Variants in ZNF254 observed in about 807,000 individuals in gnomAD.
The protein encoded by ZNF254 is zinc finger protein 254.
In ZNF254, 10 loss-of-function variants were observed where a neutral mutation model predicts 12.4. That is an observed-to-expected ratio of 0.80 (90% CI 0.50 to 1.36). The LOEUF is 1.36. Among genes scored for constraint, ZNF254 ranks in the 40% most tolerant of loss-of-function variants. The pLI, the probability that ZNF254 is intolerant of heterozygous loss-of-function variation, is 0.00. For synonymous variants in ZNF254, 305 were observed against 253.4 expected (o/e 1.20, Z -1.93); for missense variants, 996 against 763.9 (o/e 1.30, Z -3.58).
chr19:24,076,342 G>C (rs763128113), intron 2 of ZNF254, among the ~76,000 whole-genome samples: 2 of 152,130 alleles, frequency 1.3e-5, no homozygotes, highest in Non-Finnish European at 2.9e-5. Flanking sequence ...ATTCTGCTGC[G>C]GCTTCAGCCA....
At chr19:24,068,738 C>T (rs1971370049) in intron 2 of ZNF254, among the ~76,000 whole-genome samples, 1 of 152,166 alleles carries the variant, frequency 6.6e-6, no homozygotes, top group Non-Finnish European at 1.5e-5. Flanking sequence ...CAGGTGATGT[C>T]ACTCTTCTGC....
At chr19:24,121,795 T>A (rs989147011) in intron 3 of ZNF254, among the ~76,000 whole-genome samples, 3 of 152,148 alleles carry the variant, frequency 2.0e-5, no homozygotes, top group Non-Finnish European at 4.4e-5. Flanking sequence ...GACCTCATGA[T>A]CCACCCTCTT....
chr19:24,041,327 C>G (rs1364047802), intron 1 of ZNF254, among the ~76,000 whole-genome samples: 1 of 152,210 alleles, frequency 6.6e-6, no homozygotes, highest in African/African-American at 2.4e-5. Flanking sequence ...GAGGCATGAG[C>G]GGGAACCGGG....
chr19:24,126,678 T>G lies in ZNF254; in HGVS notation c.678T>G (p.Thr226=). ...GKTFNWSSTL[T]NHRKIYTEEK... ...CCTTTAATTGGTCCTCAACCCTTACTAATCATAGGAAAATTTATACTGAAG... is the reference window on the plus strand; with the variant it reads ...CCTTTAATTGGTCCTCAACCCTTACGAATCATAGGAAAATTTATACTGAAG... Residue 226 remains threonine (T), a synonymous_variant, in exon 4 of 4, where the codon ACT becomes ACG. Coordinates refer to ENST00000357002, the MANE Select transcript of ZNF254 (RefSeq NM_203282.4). The G allele has an allele frequency of 1.2e-6, 2 of 1,613,270 alleles. No homozygotes were observed. The highest frequency in any genetic ancestry group is 1.7e-6 in the Non-Finnish European group (2 of 1,179,708).
At chr19:24,034,668 G>A (rs912081726) in intron 1 of ZNF254, among the ~76,000 whole-genome samples, 5 of 151,652 alleles carry the variant, frequency 3.3e-5, no homozygotes, top group Non-Finnish European at 5.9e-5. Context: ...ATTTTTGCGG[G>A]GTTTCACCAT....
At chr19:24,041,115 A>G (rs1053004388) in intron 1 of ZNF254, among the ~76,000 whole-genome samples, 4 of 152,252 alleles carry the variant, frequency 2.6e-5, no homozygotes, top group Non-Finnish European at 5.9e-5. Flanking sequence ...ATACATGACA[A>G]GTTTGAAGAA....
At chr19:24,086,472 A>AT (rs938399719), upstream of ZNF254, among the ~76,000 whole-genome samples, 2 of 150,564 alleles carry the variant, frequency 1.3e-5, no homozygotes, top group Admixed American at 6.6e-5. Flanking sequence ...TGCCCAGCTA[A>AT]TTTTTTTTTC....
chr19:24,090,299 C>T (rs776630446), intron 1 of ZNF254, among the ~76,000 whole-genome samples: 53 of 152,172 alleles, frequency 3.5e-4, no homozygotes, highest in Admixed American at 3.3e-4. Context: ...AGTTCAGAGT[C>T]TCCTGAGAGG....
chr19:24,034,488 G>GGTT (rs1568418280), intron 1 of ZNF254, among the ~76,000 whole-genome samples: 21 of 107,328 alleles, frequency 2.0e-4, no homozygotes, highest in Middle Eastern at 6.0e-3. Flanking sequence ...AGGTAAGTGG[G>GGTT]TTTTTTTTTT....
At chr19:24,085,408 G>GGA (rs1971988738), upstream of ZNF254, among the ~76,000 whole-genome samples, 1 of 32,710 alleles carries the variant, frequency 3.1e-5, no homozygotes, top group Non-Finnish European at 5.4e-5. Flanking sequence ...TTTGTTAAGG[G>GGA]TATATATATA....
At position 24,106,542 on chromosome 19, in the gene ZNF254, A is replaced by G; in HGVS notation, c.158-6A>G. 6.4e-7 allele frequency: 1 copy of G among 1,573,128 alleles called. No individual in the cohort carries two copies. The highest frequency in any genetic ancestry group is 8.6e-7 in the Non-Finnish European group (1 of 1,156,384). On this transcript the variant is annotated splice_region_variant and splice_polypyrimidine_tract_variant and intron_variant, in intron 2 of 3. Transcript: ENST00000357002. ...AAGATTCATTTAGTTATTTTTAATAAAACAGGTATTGCTGTCTCTAAGCCA... is the reference window on the plus strand; with the variant it reads ...AAGATTCATTTAGTTATTTTTAATAGAACAGGTATTGCTGTCTCTAAGCCA...
chr19:24,064,249 T>C (rs1171206905), intron 2 of ZNF254, among the ~76,000 whole-genome samples: 1 of 152,178 alleles, frequency 6.6e-6, no homozygotes. Context: ...TGAGCCCAGC[T>C]CCTAGGCTGT....
At position 24,115,022 on chromosome 19, in the gene ZNF254, A is replaced by C. The variant is rs868150580; in HGVS notation, c.253+8379A>C. Among the ~76,000 whole-genome samples, 4 of 152,278 alleles carry C rather than the reference A, an allele frequency of 2.6e-5. No homozygotes were observed. The South Asian group carries it at 6.2e-4, about 24-fold the overall frequency. On this transcript the variant is annotated intron_variant, in intron 3 of 3. Coordinates refer to ENST00000357002, the MANE Select transcript of ZNF254 (RefSeq NM_203282.4). The stretch of plus-strand genomic sequence containing the variant: ...ATGGCAATCATTAAAAAGTCAGGAA[A>C]CAACAGGTGCTGGAGAGGATGTGGA...
chr19:24,045,795 T>G (rs559244766), intron 1 of ZNF254, among the ~76,000 whole-genome samples: 28 of 152,206 alleles, frequency 1.8e-4, no homozygotes, highest in African/African-American at 6.5e-4. Context: ...GGTGTTTCTC[T>G]ACAACTCGCT....
chr19:24,034,488 GTTTTTTTTTTT>G (rs963358053), intron 1 of ZNF254, among the ~76,000 whole-genome samples: 1 of 107,332 alleles, frequency 9.3e-6, no homozygotes, highest in Non-Finnish European at 1.8e-5. Context: ...AGGTAAGTGG[GTTTTTTTTTTT>G]TTTTTTTTTT....
intron 3 of ZNF254, among the ~76,000 whole-genome samples, chr19:24,122,125 A>G (rs193192606): frequency 6.6e-6 from 1 of 152,350 alleles, no homozygotes; most frequent in East Asian, 1.9e-4. Context: ...ATATTCAGTT[A>G]AGTCACACTA....
intron 1 of ZNF254, among the ~76,000 whole-genome samples, chr19:24,044,237 T>TAAA (rs369998937): frequency 2.0e-4 from 27 of 133,898 alleles, no homozygotes; most frequent in Non-Finnish European, 2.8e-4. Context: ...AGACTCCGTT[T>TAAA]AAAAAAAAAA....
intron 2 of ZNF254, among the ~76,000 whole-genome samples, chr19:24,060,470 C>G (rs746751684): frequency 6.6e-6 from 1 of 152,154 alleles, no homozygotes; most frequent in Non-Finnish European, 1.5e-5. Context: ...TAAACCCTGC[C>G]TACTGGGGGC....
intron 3 of ZNF254, among the ~76,000 whole-genome samples, chr19:24,116,156 A>G (rs111717043): frequency 0.15 from 22,901 of 151,210 alleles, 1,827 homozygotes; most frequent in Middle Eastern, 0.17. Flanking sequence ...ACTTTGGTCA[A>G]TATGACAATT....
Sources: allele counts gnomAD v4.1 joint callset (sites outside exome capture counted in the v4.1 genomes callset), GRCh38; gene constraint gnomAD v4.1.1; transcripts MANE v1.5; gene names NCBI Gene and HGNC (gene_info 2026-07-23, HGNC 2026-07-21).